The following AKAP9 variants were observed in gnomAD, a reference collection of about 807,000 sequenced individuals.
AKAP9 encodes A-kinase anchoring protein 9.
A neutral mutation model predicts 488.5 loss-of-function variants in AKAP9; 311 were observed. That is an observed-to-expected ratio of 0.64 (90% CI 0.58 to 0.70). AKAP9 has a LOEUF of 0.70. Among genes scored for constraint, AKAP9 ranks in the 30% least tolerant of loss-of-function variants. The pLI is 0.00. For synonymous variants in AKAP9, 1,462 were observed against 1,483.5 expected (o/e 0.99, Z 0.33); for missense variants, 4,215 against 4,374.5 (o/e 0.96, Z 1.03).
intron 21 of AKAP9, among the ~76,000 whole-genome samples, chr7:92,045,826 G>A (rs1427163117): frequency 4.6e-5 from 6 of 130,262 alleles, no homozygotes; most frequent in Non-Finnish European, 6.8e-5. Context: ...TCTTCTTTCC[G>A]TTTCTTTTTT....
intron 16 of AKAP9, among the ~76,000 whole-genome samples, chr7:92,036,304 T>A (rs773533791): frequency 6.0e-5 from 9 of 150,978 alleles, no homozygotes; most frequent in Non-Finnish European, 1.3e-4. Context: ...TCTTTTCTCC[T>A]TTTTTTTTAA....
In AKAP9 at chr7:92,017,056, CAGA is replaced by C; in HGVS notation, c.3796_3798del (p.Glu1266del). On this transcript the variant is annotated inframe_deletion, in exon 12 of 50. Transcript: ENST00000356239. ...ATGCACACTCTTCTCAACAAAGTAA[CAGA>C]AGAATACAACAAACTCTTGGTACTT... 1 of 1,591,666 alleles carries C rather than the reference CAGA, an allele frequency of 6.3e-7. No individual in the cohort carries two copies. The highest frequency in any genetic ancestry group is 8.6e-7 in the Non-Finnish European group (1 of 1,164,258).
chr7:92,007,555 T>C (rs1800079868), intron 8 of AKAP9, among the ~76,000 whole-genome samples: 1 of 152,226 alleles, frequency 6.6e-6, no homozygotes, highest in Non-Finnish European at 1.5e-5. Context: ...AACACTTTAA[T>C]GAAGGATAGG....
At chr7:91,948,083 G>A (rs1040304026) in intron 1 of AKAP9, among the ~76,000 whole-genome samples, 1 of 152,164 alleles carries the variant, frequency 6.6e-6, no homozygotes, top group African/African-American at 2.4e-5. Context: ...CACTTAGTAT[G>A]TTTTCAAGGT....
At chr7:91,966,169 G>T (rs1220296072) in intron 1 of AKAP9, among the ~76,000 whole-genome samples, 3 of 152,108 alleles carry the variant, frequency 2.0e-5, no homozygotes, top group Non-Finnish European at 2.9e-5. Context: ...TGTGCTTACA[G>T]GTTTGAGCCA....
intron 39 of AKAP9, 116 bp downstream of exon 39, chr7:92,093,432 G>GT (rs1029044517): frequency 1.4e-4 from 123 of 881,756 alleles, no homozygotes; most frequent in Non-Finnish European, 1.9e-4. Context: ...GCATGCAACT[G>GT]TTTTTTTTAG....
Position 92,014,273 on chromosome 7 carries a change from T to C in AKAP9, c.3557T>C (p.Leu1186Pro), listed in dbSNP as rs995498018. The C allele has an allele frequency of 6.2e-7, 1 of 1,613,192 alleles. No homozygotes were observed. Among genetic ancestry groups the C allele is most frequent in the African/African-American group, 1.3e-5 (1 of 74,932 alleles). The stretch of plus-strand genomic sequence containing the variant: ...GGTGATGAAGGAAAGCCTTTACATC[T>C]GCTCATTGGAAAACTTCAAAAGGCA... ...ETGDEGKPLHLLIGKLQKAVS... is the reference protein window; with the variant it reads ...ETGDEGKPLHPLIGKLQKAVS... Residue 1186 changes from leucine (L) to proline (P), a missense_variant, in exon 10 of 50, where the codon CTG becomes CCG. Coordinates refer to ENST00000356239, the MANE Select transcript of AKAP9 (RefSeq NM_005751.5).
intron 21 of AKAP9, among the ~76,000 whole-genome samples, chr7:92,049,418 T>C (rs1050916503): frequency 1.3e-5 from 2 of 152,050 alleles, no homozygotes; most frequent in African/African-American, 4.8e-5. Context: ...GAGACCGTCC[T>C]GGCTAACATG....
intron 24 of AKAP9, chr7:92,063,433 T>TC: frequency 8.4e-6 from 1 of 119,554 alleles, no homozygotes; most frequent in Non-Finnish European, 1.0e-5. Flanking sequence ...TTGTTGTGTC[T>TC]TTTTTTTTTT....
At position 91,977,448 on chromosome 7, in the gene AKAP9, C is replaced by T. The variant is rs550248778; in HGVS notation, c.307-2841C>T. Among the ~76,000 whole-genome samples, 4 of 152,132 alleles carry T rather than the reference C, an allele frequency of 2.6e-5. No individual in the cohort carries two copies. The South Asian group carries it at 8.3e-4, about 32-fold the overall frequency. The stretch of plus-strand genomic sequence containing the variant: ...GTGGGCAACTGTAGTCCCAGCTACT[C>T]GGGAGGCTGAGGCAGGAGAATGGCA... On this transcript the variant is annotated intron_variant, in intron 2 of 49. Transcript: ENST00000356239.
In AKAP9 at chr7:92,045,032, T is replaced by C; in HGVS notation, c.5187T>C (p.Asn1729=). ...GGTATGCACTCCAGAAAGCTAATAA[T>C]AGACTTTTGAAGATCCTCTTAGAAG... is the stretch of plus-strand genomic sequence containing the variant. ...NERYALQKAN[N]RLLKILLEVV... Residue 1729 remains asparagine (N), a synonymous_variant, in exon 21 of 50, where the codon AAT becomes AAC. Coordinates refer to ENST00000356239, the MANE Select transcript of AKAP9 (RefSeq NM_005751.5). 1 of 1,613,022 alleles carries C rather than the reference T, an allele frequency of 6.2e-7. No individual in the cohort carries two copies.
chr7:91,979,491 A>T (rs549441238), intron 2 of AKAP9, among the ~76,000 whole-genome samples: 12 of 152,300 alleles, frequency 7.9e-5, no homozygotes, highest in African/African-American at 2.9e-4. Context: ...TGAGATTTGG[A>T]TGGGGGAACT....
In AKAP9 at chr7:92,040,800, T is replaced by A; in HGVS notation, c.4819T>A (p.Leu1607Met). Residue 1607 changes from leucine to methionine, a missense_variant, in exon 18 of 50, where the codon TTG (leucine) becomes ATG (methionine). By Grantham distance (15) the Leu-to-Met change is conservative (BLOSUM62 2). Transcript: ENST00000356239. ...CCAAGAACATCAACAGGCAACGGAA[T>A]TGTTAAGGCAAGCACATATGCGGCA... The part of the protein sequence containing the change: ...QYQEHQQATE[L>M]LRQAHMRQME... 6.2e-7 allele frequency: 1 copy of A among 1,613,932 alleles called. No homozygotes were observed.
Position 92,089,433 on chromosome 7 carries a change from A to T in AKAP9, c.9262A>T (p.Arg3088Trp). 1.2e-6 allele frequency: 2 copies of T among 1,612,506 alleles called. No homozygotes were observed. Among genetic ancestry groups the T allele is most frequent in the Non-Finnish European group, 1.7e-6 (2 of 1,179,736 alleles). ...GGAATGCCTCCAGAAAGCAGATAGA[A>T]GGAGTTTGTTATCTGAAATTCAGGC... is the stretch of plus-strand genomic sequence containing the variant. ...AMECLQKADR[R>W]SLLSEIQALH... Residue 3088 changes from arginine (R) to tryptophan (W), a missense_variant, in exon 38 of 50, where the codon AGG becomes TGG. Arg to Trp is a moderately radical substitution (Grantham distance 101). Around this residue, in one of 5 missense-constraint regions of AKAP9, gnomAD observed 1,476 missense variants for 1,477.4 expected, o/e 1.00. Transcript: ENST00000356239.
At chr7:91,991,175 G>A (rs1797699304) in intron 3 of AKAP9, among the ~76,000 whole-genome samples, 1 of 152,212 alleles carries the variant, frequency 6.6e-6, no homozygotes, top group South Asian at 2.1e-4. Flanking sequence ...TCGTTACACT[G>A]ATAGGCTACA....
Position 92,045,066 on chromosome 7 carries a change from A to G in AKAP9, c.5221A>G (p.Thr1741Ala). The change falls in exon 21 of 50, where the codon ACA (threonine) becomes GCA (alanine). Residue 1741 changes from threonine to alanine, a missense_variant. Transcript: ENST00000356239. ...GAAGATCCTCTTAGAAGTTGTAAAG[A>G]CAACAGCAGCTGTTGAAGAAACAAT... is the stretch of plus-strand genomic sequence containing the variant. ...LLKILLEVVK[T>A]TAAVEETIGR... The G allele has an allele frequency of 6.2e-7, 1 of 1,613,818 alleles. No homozygotes were observed. The highest frequency in any genetic ancestry group is 1.7e-5 in the Admixed American group (1 of 59,966).
chr7:92,076,093 C>G (rs935156406), intron 28 of AKAP9, among the ~76,000 whole-genome samples: 8 of 152,104 alleles, frequency 5.3e-5, no homozygotes, highest in African/African-American at 1.9e-4. Flanking sequence ...TAGCAACAAA[C>G]CAGTGAGCTA....
intron 14 of AKAP9, among the ~76,000 whole-genome samples, chr7:92,028,582 C>A (rs897385681): frequency 6.6e-6 from 1 of 152,034 alleles, no homozygotes; most frequent in African/African-American, 2.4e-5. Flanking sequence ...GAAGGCAGTT[C>A]ACAGCAGGAA....
rs1159145034 is a variant in AKAP9 at position 92,061,377 on chromosome 7, T to A, written c.5719T>A (p.Ser1907Thr). Residue 1907 changes from serine to threonine, a missense_variant, in exon 23 of 50, where the codon TCC (serine) becomes ACC (threonine). Around this residue, in one of 5 missense-constraint regions of AKAP9, gnomAD observed 2,361 missense variants for 2,430.0 expected, o/e 0.97. Coordinates refer to ENST00000356239, the MANE Select transcript of AKAP9 (RefSeq NM_005751.5). Reference sequence around the variant, plus strand: ...ACTTCGAGAGCGCCTTCATGAGGAGTCCAGGGCCAGAGAACAGCTAGCTGT... The same window carrying A: ...ACTTCGAGAGCGCCTTCATGAGGAGACCAGGGCCAGAGAACAGCTAGCTGT... ...EELRERLHEE[S>T]RAREQLAVEL... The A allele has an allele frequency of 6.2e-7, 1 of 1,612,276 alleles. No homozygotes were observed. The highest frequency in any genetic ancestry group is 1.7e-5 in the Admixed American group (1 of 59,816).
Sources: gnomAD v4.1 joint callset for allele counts (sites outside exome capture counted in the v4.1 genomes callset) on GRCh38, gnomAD v4.1.1 for gene constraint, gnomAD v4.1.1 regional missense constraint, MANE v1.5 for transcripts, NCBI Gene and HGNC (gene_info 2026-07-23, HGNC 2026-07-21) for gene names.